Variants in RNF43 observed in about 807,000 individuals in gnomAD.
RNF43 encodes ring finger protein 43.
RNF43 carries 37 observed loss-of-function variants against 78.4 expected under a neutral mutation model. The observed-to-expected ratio is 0.47, with a 90% confidence interval of 0.36 to 0.62. RNF43 has a LOEUF of 0.62. Ranked by LOEUF, RNF43 falls within the 20% of genes least tolerant of loss-of-function variation. The probability of loss-of-function intolerance (pLI) is 0.00; values close to 1 mark genes in which losing one functional copy is unlikely to be tolerated. For missense variants in RNF43, 774 were observed against 1,007.9 expected (o/e 0.77, Z 3.14); for synonymous variants, 347 against 395.0 (o/e 0.88, Z 1.44).
chr17:58,379,422 T>C (rs1973268569), intron 2 of RNF43, among the ~76,000 whole-genome samples: 1 of 152,212 alleles, frequency 6.6e-6, no homozygotes. Context: ...GAAAAGTCCC[T>C]GTTGCTTTAG....
chr17:58,381,055 G>A (rs1481141963), intron 2 of RNF43, among the ~76,000 whole-genome samples: 1 of 152,232 alleles, frequency 6.6e-6, no homozygotes, highest in African/African-American at 2.4e-5. Flanking sequence ...CAGATCCTGG[G>A]CAGTAACACA....
intron 2 of RNF43, among the ~76,000 whole-genome samples, chr17:58,402,169 C>T (rs1025142068): frequency 6.6e-5 from 10 of 152,166 alleles, no homozygotes; most frequent in Non-Finnish European, 1.5e-4. Context: ...CACAAGGACA[C>T]CACAAGAAGG....
chr17:58,362,746 G>C (rs934380857), intron 5 of RNF43, 98 bp from the exon 6 acceptor site: 7 of 903,714 alleles, frequency 7.7e-6, no homozygotes, highest in Non-Finnish European at 1.7e-6. Context: ...TAGCTAACTG[G>C]AGGTTCCCTT....
rs1972888180 is a variant in RNF43 at position 58,363,575 on chromosome 17, G to C, written c.401C>G (p.Ala134Gly). ...SKARMAGERG[A>G]SAVLFDITED... ...AGTGATGTCAAAGAGGACAGCACTG[G>C]CTCCTCGCTCACCCGCCATCCGAGC... is the stretch of plus-strand genomic sequence containing the variant. Residue 134 changes from alanine (A) to glycine (G), a missense_variant, in exon 4 of 10, where the codon GCC becomes GGC. Transcript: ENST00000407977. The C allele has an allele frequency of 6.2e-7, 1 of 1,612,126 alleles. No individual in the cohort carries two copies. Among genetic ancestry groups the C allele is most frequent in the Non-Finnish European group, 8.5e-7 (1 of 1,178,632 alleles).
chr17:58,406,667 T>C (rs545484055), intron 2 of RNF43, among the ~76,000 whole-genome samples: 5 of 151,902 alleles, frequency 3.3e-5, no homozygotes, highest in East Asian at 3.9e-4. Context: ...GCCTAGATCA[T>C]ATAAAAGATG....
At chr17:58,409,756 G>A (rs1047086911) in intron 2 of RNF43, among the ~76,000 whole-genome samples, 42 of 152,206 alleles carry the variant, frequency 2.8e-4, no homozygotes, top group Admixed American at 1.4e-3. Context: ...ATGGTGCCCC[G>A]TGCTTGTGGT....
intron 2 of RNF43, among the ~76,000 whole-genome samples, chr17:58,376,951 C>G (rs1256381711): frequency 1.3e-5 from 2 of 152,182 alleles, no homozygotes; most frequent in Non-Finnish European, 2.9e-5. Flanking sequence ...GCTTTGCATA[C>G]ATATTTTATA....
At chr17:58,353,118 T>G (rs1430607908), downstream of RNF43, 1 of 205,814 alleles carries the variant, frequency 4.9e-6, no homozygotes, top group Non-Finnish European at 9.9e-6. Context: ...AGCTTTGGGA[T>G]ATAAATAGTT....
intron 9 of RNF43, among the ~76,000 whole-genome samples, chr17:58,355,532 A>G (rs765691800): frequency 3.3e-5 from 5 of 152,330 alleles, no homozygotes; most frequent in Non-Finnish European, 5.9e-5. Context: ...ATTCTGGGCT[A>G]CAGGAACTAC....
Position 58,360,140 on chromosome 17 carries a change from A to G in RNF43, c.952+9T>C. 6.2e-7 allele frequency: 1 copy of G among 1,607,948 alleles called. No individual in the cohort carries two copies. Among genetic ancestry groups the G allele is most frequent in the Non-Finnish European group, 8.5e-7 (1 of 1,175,056 alleles). On this transcript the variant is annotated intron_variant, in intron 8 of 9. Transcript: ENST00000407977. The surrounding 1 kb of genome is among the most constrained non-coding windows in gnomAD (Gnocchi z 4.3). Reference sequence around the variant, plus strand: ...CTACACAGAGGGGAGTCCTTGGCCCACCTCCTACCTGTGATGTTGAACATG... The same window carrying G: ...CTACACAGAGGGGAGTCCTTGGCCCGCCTCCTACCTGTGATGTTGAACATG...
intron 2 of RNF43, among the ~76,000 whole-genome samples, chr17:58,401,571 A>G (rs1469470906): frequency 6.6e-6 from 1 of 152,216 alleles, no homozygotes; most frequent in Non-Finnish European, 1.5e-5. Context: ...AGAAAACAAA[A>G]CAATAAAAAT....
intron 2 of RNF43, among the ~76,000 whole-genome samples, chr17:58,401,823 TAAA>T (rs3030936): frequency 0.023 from 3,386 of 144,460 alleles, 118 homozygotes; most frequent in African/African-American, 0.077. Flanking sequence ...ATTCCTAGCA[TAAA>T]AAAAAAAAAA....
chr17:58,358,170 C>A lies in RNF43; in HGVS notation c.1606G>T (p.Val536Leu), dbSNP rs773453980. 1 of 1,612,564 alleles carries A rather than the reference C, an allele frequency of 6.2e-7. No individual in the cohort carries two copies. Among genetic ancestry groups the A allele is most frequent in the Non-Finnish European group, 8.5e-7 (1 of 1,179,482 alleles). Reference protein sequence around the residue: ...VTSRPRSLDSVVPTGETQVSS... With the variant: ...VTSRPRSLDSLVPTGETQVSS... ...ACCTGGGTTTCCCCTGTGGGCACCACCGAGTCCAAGGAACGAGGCCGAGAG... is the reference window on the plus strand; with the variant it reads ...ACCTGGGTTTCCCCTGTGGGCACCAACGAGTCCAAGGAACGAGGCCGAGAG... The change falls in exon 9 of 10, where the codon GTG becomes TTG. Residue 536 changes from valine (V) to leucine (L), a missense_variant. Coordinates refer to ENST00000407977, the MANE Select transcript of RNF43 (RefSeq NM_017763.6). This position sits in a 1 kb window ranked among gnomAD's most constrained non-coding sequence, Gnocchi z 6.2.
chr17:58,357,428 C>T lies in RNF43; in HGVS notation c.2308+40G>A, dbSNP rs1326236348. 6.2e-7 allele frequency: 1 copy of T among 1,613,532 alleles called. No homozygotes were observed. Among genetic ancestry groups the T allele is most frequent in the Non-Finnish European group, 8.5e-7 (1 of 1,179,440 alleles). On this transcript the variant is annotated intron_variant, in intron 9 of 9. Transcript: ENST00000407977. This position sits in a 1 kb window ranked among gnomAD's most constrained non-coding sequence, Gnocchi z 4.5. ...CTGTCCTGAAATATTCAGCTGTAGTCTCCTCTCCCTACCACACCCACTTCC... is the reference window on the plus strand; with the variant it reads ...CTGTCCTGAAATATTCAGCTGTAGTTTCCTCTCCCTACCACACCCACTTCC...
Position 58,354,868 on chromosome 17 carries a change from G to T in RNF43, c.*75C>A. 2 of 1,323,760 alleles carry T rather than the reference G, an allele frequency of 1.5e-6. No individual in the cohort carries two copies. Among genetic ancestry groups the T allele is most frequent in the Non-Finnish European group, 2.2e-6 (2 of 915,964 alleles). 82.0% of individuals were successfully genotyped at this position (1,323,760 alleles called of 1,614,324 possible). A position where few individuals can be genotyped will look rare whatever the true frequency, so the allele number is the denominator to read the frequency against. On this transcript the variant is annotated 3_prime_UTR_variant, in exon 10 of 10. Transcript: ENST00000407977. ...TTTGCTGTGGTCCTTTCCTTTCCCA[G>T]GAGCAGGACTCTGTGCCAGGTAGGG...
chr17:58,373,086 A>G (rs1973133340), intron 2 of RNF43, among the ~76,000 whole-genome samples: 1 of 152,168 alleles, frequency 6.6e-6, no homozygotes, highest in South Asian at 2.1e-4. Context: ...AGAGCAGAAG[A>G]TGGAGGCCTT....
At chr17:58,386,828 T>C (rs1487883564) in intron 2 of RNF43, among the ~76,000 whole-genome samples, 3 of 152,110 alleles carry the variant, frequency 2.0e-5, no homozygotes, top group Non-Finnish European at 4.4e-5. Context: ...CTTTTTTTTT[T>C]AATAAACAGA....
At position 58,358,864 on chromosome 17, in the gene RNF43, A is replaced by C; in HGVS notation, c.953-41T>G. 1 of 1,445,392 alleles carries C rather than the reference A, an allele frequency of 6.9e-7. No individual in the cohort carries two copies. Among genetic ancestry groups the C allele is most frequent in the Non-Finnish European group, 9.1e-7 (1 of 1,102,000 alleles). The allele number at this position is 1,445,392 out of a possible 1,614,324, so 89.5% of individuals were successfully genotyped here. A position where few individuals can be genotyped will look rare whatever the true frequency, so the allele number is the denominator to read the frequency against. On this transcript the variant is annotated intron_variant, in intron 8 of 9. Coordinates refer to ENST00000407977, the MANE Select transcript of RNF43 (RefSeq NM_017763.6). The surrounding 1 kb of genome is among the most constrained non-coding windows in gnomAD (Gnocchi z 6.2). Reference sequence around the variant, plus strand: ...AAGAGCACAGATGTTTAACTCTACAAACCTACAGAGAATGCATTCAGAAAG... The same window carrying C: ...AAGAGCACAGATGTTTAACTCTACACACCTACAGAGAATGCATTCAGAAAG...
chr17:58,392,764 C>G (rs976899231), intron 2 of RNF43, among the ~76,000 whole-genome samples: 2 of 152,146 alleles, frequency 1.3e-5, no homozygotes, highest in Admixed American at 1.3e-4. Context: ...ATCATTATTA[C>G]CTTGTGTTTC....
Sources: gnomAD v4.1 joint callset for allele counts (sites outside exome capture counted in the v4.1 genomes callset) on GRCh38, gnomAD v4.1.1 for gene constraint, Gnocchi (gnomAD v3.1) non-coding constraint, MANE v1.5 for transcripts, NCBI Gene and HGNC (gene_info 2026-07-23, HGNC 2026-07-21) for gene names.